CAVIN3: variants seen among roughly 807,000 people sequenced by gnomAD.
The protein encoded by CAVIN3 is caveolae-associated protein 3.
In CAVIN3, 11 loss-of-function variants were observed where a neutral mutation model predicts 8.2. The observed-to-expected ratio is 1.35, with a 90% CI of 0.85 to 2.23. The LOEUF (loss-of-function observed/expected upper bound fraction) is 2.23. Ranked by LOEUF, CAVIN3 falls within the 30% of genes most tolerant of loss-of-function variation. The pLI is 0.00. For synonymous variants in CAVIN3, 191 were observed against 166.3 expected (o/e 1.15, Z -1.14); for missense variants, 401 against 359.5 (o/e 1.12, Z -0.93).
intron 1 of CAVIN3, 122 bp from the exon 2 acceptor site, chr11:6,319,686 A>G (rs183883905): frequency 3.2e-6 from 4 of 1,248,910 alleles, no homozygotes; most frequent in Non-Finnish European, 4.5e-6. Flanking sequence ...GGGGAAAGGC[A>G]GGCGTGGGAA....
At position 6,320,276 on chromosome 11, in the gene CAVIN3, C is replaced by CA; in HGVS notation, c.200dup (p.Ser68GlufsTer65). 6.4e-7 allele frequency: 1 copy of CA among 1,565,606 alleles called. No individual in the cohort carries two copies. The highest frequency in any genetic ancestry group is 8.6e-7 in the Non-Finnish European group (1 of 1,163,022). On this transcript the variant is annotated frameshift_variant, in exon 1 of 2. Transcript: ENST00000303927. LOFTEE classifies it high-confidence loss of function. ...TGCTGGTGGTGTCGTGGCTGCGACTCAGAGCGCCCAGGCCGCTCTGGATGC... is the reference window on the plus strand; with the variant it reads ...TGCTGGTGGTGTCGTGGCTGCGACTCAAGAGCGCCCAGGCCGCTCTGGATGC...
chr11:6,319,664 G>T, intron 1 of CAVIN3, 100 bp from the exon 2 acceptor site: 1 of 1,411,252 alleles, frequency 7.1e-7, no homozygotes, highest in Non-Finnish European at 9.7e-7. Flanking sequence ...TACCTCCGCA[G>T]CCAGAGTCTG....
In CAVIN3 at chr11:6,320,294, C is replaced by T; in HGVS notation, c.183G>A (p.Gln61=). The T allele has an allele frequency of 1.3e-6, 2 of 1,566,092 alleles. No homozygotes were observed. Among genetic ancestry groups the T allele is most frequent in the Non-Finnish European group, 1.7e-6 (2 of 1,163,446 alleles). The part of the protein sequence containing the change: ...GGLAGSVRRI[Q]SGLGALSRSH... Reference sequence around the variant, plus strand: ...TGCGACTCAGAGCGCCCAGGCCGCTCTGGATGCGGCGCACGGACCCTGCCA... The same window carrying T: ...TGCGACTCAGAGCGCCCAGGCCGCTTTGGATGCGGCGCACGGACCCTGCCA... Residue 61 remains glutamine (Q), a synonymous_variant, in exon 1 of 2, where the codon CAG becomes CAA. Coordinates refer to ENST00000303927, the MANE Select transcript of CAVIN3 (RefSeq NM_145040.3).
At chr11:6,320,033 C>A in intron 1 of CAVIN3, 60 bp downstream of exon 1, 1 of 1,502,734 alleles carries the variant, frequency 6.7e-7, no homozygotes, top group South Asian at 1.3e-5. Context: ...GGGGAGCCCC[C>A]AGCTGGTGGC....
rs1427872531 is a variant in CAVIN3, at chr11:6,319,404, C to A, written c.545G>T (p.Gly182Val). The change falls in exon 2 of 2, where the codon GGA becomes GTA. Residue 182 changes from glycine (G) to valine (V), a missense_variant. Transcript: ENST00000303927. Reference sequence around the variant, plus strand: ...TCGGAGGCTCTGTACCTTCTGCAATCCGGTGCGCCGCAGCCGCTGGGCCCT... The same window carrying A: ...TCGGAGGCTCTGTACCTTCTGCAATACGGTGCGCCGCAGCCGCTGGGCCCT... ...ESRAQRLRRT[G>V]LQKVQSLRRA... 6.2e-7 allele frequency: 1 copy of A among 1,611,044 alleles called. No individual in the cohort carries two copies. The highest frequency in any genetic ancestry group is 1.1e-5 in the South Asian group (1 of 90,760).
chr11:6,319,775 T>C (rs766719391), intron 1 of CAVIN3: 16 of 708,082 alleles, frequency 2.3e-5, no homozygotes, highest in Admixed American at 4.3e-5. Flanking sequence ...GAGAAGAGGA[T>C]AGTGCCCGCA....
In CAVIN3 at chr11:6,320,469, T is replaced by TC; in HGVS notation, c.7dup (p.Glu3GlyfsTer130). 1 of 1,515,316 alleles carries TC rather than the reference T, an allele frequency of 6.6e-7. No individual in the cohort carries two copies. Among genetic ancestry groups the TC allele is most frequent in the East Asian group, 2.4e-5 (1 of 42,020 alleles). The allele number at this position is 1,515,316 out of a possible 1,614,324, so 93.9% of individuals were successfully genotyped here. ...CACAGGCCCCCGCTCCAACGCACTC[T>TC]CCCTCATGATCCCTGACCGCTCTGC... On this transcript the variant is annotated frameshift_variant, in exon 1 of 2. Transcript: ENST00000303927. LOFTEE classifies it high-confidence loss of function.
chr11:6,320,446 C>T lies in CAVIN3; in HGVS notation c.31G>A (p.Val11Met). The T allele has an allele frequency of 6.5e-7, 1 of 1,543,138 alleles. No individual in the cohort carries two copies. Among genetic ancestry groups the T allele is most frequent in the Non-Finnish European group, 8.7e-7 (1 of 1,151,876 alleles). Residue 11 changes from valine to methionine, a missense_variant, in exon 1 of 2, where the codon GTG becomes ATG. By Grantham distance (21) the Val-to-Met change is conservative (BLOSUM62 1). Coordinates refer to ENST00000303927, the MANE Select transcript of CAVIN3 (RefSeq NM_145040.3). MRESALERGP[V>M]PEAPAGGPVH... ...GGACCCCCCGCCGGCGCCTCGGGCACAGGCCCCCGCTCCAACGCACTCTCC... is the reference window on the plus strand; with the variant it reads ...GGACCCCCCGCCGGCGCCTCGGGCATAGGCCCCCGCTCCAACGCACTCTCC...
rs776773330 is a variant in CAVIN3 at position 6,320,396 on chromosome 11, G to C, written c.81C>G (p.Thr27=). 2.5e-6 allele frequency: 4 copies of C among 1,581,208 alleles called. No individual in the cohort carries two copies. In the South Asian group the frequency reaches 4.5e-5, roughly 18 times the overall value. The stretch of plus-strand genomic sequence containing the variant: ...GCATGGAGGCCAGCTTCTCCAGCAG[G>C]GTCACCACCGTCACGGCGTGCACGG... ...GGPVHAVTVV[T]LLEKLASMLE... Residue 27 remains threonine (T), a synonymous_variant, in exon 1 of 2, where the codon ACC becomes ACG. Transcript: ENST00000303927.
Position 6,319,431 on chromosome 11 carries a change from G to A in CAVIN3, c.518C>T (p.Ser173Phe), listed in dbSNP as rs1846777112. ...GGTGCGCCGCAGCCGCTGGGCCCTG[G>A]ACTCCACCGGCTCCTCGTCCGAGCT... ...GESSDEEPVE[S>F]RAQRLRRTGL... is the part of the protein sequence containing the mutation. The change falls in exon 2 of 2, where the codon TCC becomes TTC. Residue 173 changes from serine to phenylalanine, a missense_variant. Ser to Phe is a radical substitution (Grantham distance 155). Transcript: ENST00000303927. The A allele has an allele frequency of 1.2e-6, 2 of 1,611,640 alleles. No individual in the cohort carries two copies. The highest frequency in any genetic ancestry group is 2.7e-5 in the African/African-American group (2 of 74,940).
Position 6,318,984 on chromosome 11 carries a change from A to G in CAVIN3, c.*179T>C. 3.8e-6 allele frequency: 2 copies of G among 524,492 alleles called. No individual in the cohort carries two copies. The highest frequency in any genetic ancestry group is 6.6e-6 in the Non-Finnish European group (2 of 303,030). The allele number at this position is 524,492 out of a possible 1,614,324, so 32.5% of individuals were successfully genotyped here. On this transcript the variant is annotated 3_prime_UTR_variant, in exon 2 of 2. Transcript: ENST00000303927. ...ACTTTTATTGATGGTGAGCGCAAGC[A>G]GGTGTGAGTGACTGCACCTCTTTCA...
chr11:6,320,055 C>CA lies in CAVIN3; in HGVS notation c.384+37dup, dbSNP rs1033618729. The CA allele has an allele frequency of 6.5e-6, 10 of 1,540,254 alleles. No individual in the cohort carries two copies. In the African/African-American group the frequency reaches 1.4e-4, roughly 21 times the overall value. ...CCCCAGCTGGTGGCCCACAGGCCGGCAAAGGCCTCGGATTGGGGACCGTTT... is the reference window on the plus strand; with the variant it reads ...CCCCAGCTGGTGGCCCACAGGCCGGCAAAAGGCCTCGGATTGGGGACCGTTT... On this transcript the variant is annotated intron_variant, in intron 1 of 1. Transcript: ENST00000303927.
At position 6,319,143 on chromosome 11, in the gene CAVIN3, G is replaced by A. The variant is rs1846764683; in HGVS notation, c.*20C>T. 1 of 1,510,980 alleles carries A rather than the reference G, an allele frequency of 6.6e-7. No homozygotes were observed. Among genetic ancestry groups the A allele is most frequent in the South Asian group, 1.3e-5 (1 of 74,622 alleles). The allele number at this position is 1,510,980 out of a possible 1,614,324, so 93.6% of individuals were successfully genotyped here. ...TTTGGGACAAGGCACAAGCACAGGG[G>A]AGGCAGGCAACACCAGCCCTCAGGC... is the stretch of plus-strand genomic sequence containing the variant. On this transcript the variant is annotated 3_prime_UTR_variant, in exon 2 of 2. Transcript: ENST00000303927.
chr11:6,319,755 G>A (rs1394655470), intron 1 of CAVIN3, 191 bp from the exon 2 acceptor site: 8 of 748,608 alleles, frequency 1.1e-5, no homozygotes, highest in Non-Finnish European at 1.8e-5. Context: ...GGTGAGGCCT[G>A]GTGAGGGGCG....
intron 1 of CAVIN3, 109 bp from the exon 2 acceptor site, chr11:6,319,673 T>C (rs1051522852): frequency 8.7e-6 from 12 of 1,373,696 alleles, no homozygotes; most frequent in Non-Finnish European, 1.1e-5. Context: ...AGCCAGAGTC[T>C]GGGGGGAAAG....
intron 1 of CAVIN3, chr11:6,319,782 C>T (rs1441181378): frequency 1.4e-6 from 1 of 693,724 alleles, no homozygotes; most frequent in Non-Finnish European, 2.5e-6. Context: ...GGATAGTGCC[C>T]GCAGTCACGG....
intron 1 of CAVIN3, chr11:6,319,870 G>A: frequency 1.5e-6 from 1 of 672,406 alleles, no homozygotes; most frequent in Non-Finnish European, 2.5e-6. Flanking sequence ...CTGAGCTAGA[G>A]CTGGGCGGGC....
At position 6,320,204 on chromosome 11, in the gene CAVIN3, G is replaced by C; in HGVS notation, c.273C>G (p.His91Gln). 6.4e-7 allele frequency: 1 copy of C among 1,566,718 alleles called. No homozygotes were observed. The highest frequency in any genetic ancestry group is 8.6e-7 in the Non-Finnish European group (1 of 1,163,882). ...LLAKAERVSS[H>Q]ANAAQERAVR... ...CCGCGCGCTCTTGGGCGGCGTTGGC[G>C]TGCGAGCTCACGCGCTCCGCCTTGG... Residue 91 changes from histidine to glutamine, a missense_variant, in exon 1 of 2, where the codon CAC (histidine) becomes CAG (glutamine). Transcript: ENST00000303927.
At position 6,319,630 on chromosome 11, in the gene CAVIN3, C is replaced by T. The variant is rs75591503; in HGVS notation, c.385-66G>A. On this transcript the variant is annotated intron_variant, in intron 1 of 1. Coordinates refer to ENST00000303927, the MANE Select transcript of CAVIN3 (RefSeq NM_145040.3). Reference sequence around the variant, plus strand: ...ACCCCCAGCAGCCCGAAACTCACTCCTTAATTACACAAGGGAAACCTTTTA... The same window carrying T: ...ACCCCCAGCAGCCCGAAACTCACTCTTTAATTACACAAGGGAAACCTTTTA... 3,211 of 1,516,444 alleles carry T rather than the reference C, an allele frequency of 2.1e-3. 62 individuals are homozygous for T. The African/African-American group carries it at 0.038, about 18-fold the overall frequency. 93.9% of individuals were successfully genotyped at this position (1,516,444 alleles called of 1,614,324 possible).
Sources: gnomAD v4.1 joint callset for allele counts on GRCh38, gnomAD v4.1.1 for gene constraint, MANE v1.5 for transcripts, NCBI Gene and HGNC (gene_info 2026-07-23, HGNC 2026-07-21) for gene names.